NAV2: variants seen among roughly 807,000 people sequenced by gnomAD.
NAV2 encodes neuron navigator 2, also known as helicase, APC down-regulated 1.
NAV2 carries 54 observed loss-of-function variants against 223.2 expected under a neutral mutation model. The observed-to-expected ratio is 0.24, with a 90% confidence interval of 0.19 to 0.30. The LOEUF (loss-of-function observed/expected upper bound fraction) is 0.30, where lower values mean the gene tolerates loss of function less well. Among genes scored for constraint, NAV2 ranks in the 10% least tolerant of loss-of-function variants. The pLI, the probability that NAV2 is intolerant of heterozygous loss-of-function variation, is 1.00. For synonymous variants in NAV2, 1,279 were observed against 1,239.3 expected, an observed-to-expected ratio of 1.03 and a Z score of -0.67; for missense variants, 2,806 against 3,147.5, an observed-to-expected ratio of 0.89 and a Z score of 2.60.
At chr11:19,406,693 G>A (rs573042395) in intron 1 of NAV2, among the ~76,000 whole-genome samples, 25 of 151,946 alleles carry the variant, frequency 1.6e-4, no homozygotes, top group African/African-American at 2.4e-4. Flanking sequence ...AATCTCTGTC[G>A]TCACCACTGG....
intron 1 of NAV2, among the ~76,000 whole-genome samples, chr11:19,795,345 T>C (rs2057806366): frequency 6.6e-6 from 1 of 152,228 alleles, no homozygotes; most frequent in Non-Finnish European, 1.5e-5. Flanking sequence ...TCATGGCATA[T>C]TTAGAATTTT....
chr11:19,644,404 G>T (rs980733267), intron 1 of NAV2, among the ~76,000 whole-genome samples: 1 of 152,332 alleles, frequency 6.6e-6, no homozygotes, highest in East Asian at 1.9e-4. Flanking sequence ...AGAAGCCTTT[G>T]TTCCTATGGT....
chr11:19,894,084 A>G (rs759155997), intron 6 of NAV2, among the ~76,000 whole-genome samples: 4 of 152,186 alleles, frequency 2.6e-5, no homozygotes, highest in Non-Finnish European at 5.9e-5. Flanking sequence ...GTGTTTTTAC[A>G]TTGATGTGTA....
At chr11:19,815,205 C>T (rs1203765885) in intron 1 of NAV2, among the ~76,000 whole-genome samples, 2 of 152,254 alleles carry the variant, frequency 1.3e-5, no homozygotes, top group Middle Eastern at 3.4e-3. Flanking sequence ...TTACTGAGTC[C>T]TCTGAGTATT....
chr11:19,937,553 G>A (rs17540569), intron 7 of NAV2, among the ~76,000 whole-genome samples: 3,528 of 152,258 alleles, frequency 0.023, 53 homozygotes, highest in South Asian at 0.062. Context: ...AGAACCAGAG[G>A]AGATTGCTAT....
intron 4 of NAV2, among the ~76,000 whole-genome samples, chr11:19,869,473 T>C (rs2062327108): frequency 6.6e-6 from 1 of 152,222 alleles, no homozygotes; most frequent in South Asian, 2.1e-4. Context: ...AATGCTGTAT[T>C]TTTACATTGT....
intron 3 of NAV2, among the ~76,000 whole-genome samples, chr11:19,846,852 C>T (rs1473548620): frequency 6.6e-6 from 1 of 152,182 alleles, no homozygotes. Context: ...TTTCCTGGAG[C>T]AAGCCCAGCC....
chr11:19,583,813 A>C (rs994296418), intron 1 of NAV2, among the ~76,000 whole-genome samples: 4 of 152,218 alleles, frequency 2.6e-5, no homozygotes, highest in Admixed American at 1.3e-4. Context: ...ATCAATGTTC[A>C]TCAGGGATAT....
chr11:20,022,317 A>T (rs1251621862), intron 11 of NAV2, among the ~76,000 whole-genome samples: 5 of 152,204 alleles, frequency 3.3e-5, no homozygotes, highest in African/African-American at 1.2e-4. Flanking sequence ...TTCCCATCCC[A>T]GAGCTGGGAC....
intron 1 of NAV2, among the ~76,000 whole-genome samples, chr11:19,700,122 C>T (rs2049468535): frequency 6.6e-6 from 1 of 152,138 alleles, no homozygotes; most frequent in South Asian, 2.1e-4. Flanking sequence ...TTAATGTGTT[C>T]CAGGAAATAT....
intron 1 of NAV2, among the ~76,000 whole-genome samples, chr11:19,794,021 G>A (rs369459640): frequency 7.3e-4 from 111 of 152,224 alleles, no homozygotes; most frequent in African/African-American, 2.2e-3. Flanking sequence ...AAATCGCCTC[G>A]TTTAGGGGTA....
intron 1 of NAV2, among the ~76,000 whole-genome samples, chr11:19,583,749 C>T (rs2045799642): frequency 6.6e-6 from 1 of 152,080 alleles, no homozygotes; most frequent in Non-Finnish European, 1.5e-5. Flanking sequence ...TGGTGGATAA[C>T]TTTTTGATGT....
chr11:19,808,739 T>G (rs760461707), intron 1 of NAV2, among the ~76,000 whole-genome samples: 1 of 152,228 alleles, frequency 6.6e-6, no homozygotes, highest in Non-Finnish European at 1.5e-5. Context: ...AAAACCTGGC[T>G]TATGTTTCCA....
chr11:19,696,435 C>T (rs1349217600), intron 1 of NAV2, among the ~76,000 whole-genome samples: 2 of 152,256 alleles, frequency 1.3e-5, no homozygotes, highest in African/African-American at 2.4e-5. Flanking sequence ...AAGTCTCCTT[C>T]TCTTTTGTGT....
chr11:19,868,688 C>T (rs898815671), intron 3 of NAV2, among the ~76,000 whole-genome samples: 10 of 152,266 alleles, frequency 6.6e-5, no homozygotes, highest in African/African-American at 2.4e-4. Context: ...GCTCCCATTC[C>T]ACCCTGGTTA....
rs140847838 is a variant in NAV2 at position 19,592,490 on chromosome 11, G to A, written c.76-239994G>A. 5.4e-3 allele frequency among the ~76,000 whole-genome samples: 824 copies of A among 151,980 alleles called. 7 individuals carry two copies. Among genetic ancestry groups the A allele is most frequent in the Non-Finnish European group, 8.2e-3 (558 of 67,964 alleles). ...CCACTTGAATTTGAATTATATTTTT[G>A]TCATTGCCCCCACTATGTTATAAAG... On this transcript the variant is annotated intron_variant, in intron 1 of 37. Coordinates refer to the NAV2 transcript ENST00000360655.
At chr11:19,579,867 C>A (rs1232208989) in intron 1 of NAV2, among the ~76,000 whole-genome samples, 3 of 152,184 alleles carry the variant, frequency 2.0e-5, no homozygotes, top group Admixed American at 2.0e-4. Context: ...TCTGAGAAGG[C>A]CTCTGTCCTG....
intron 1 of NAV2, among the ~76,000 whole-genome samples, chr11:19,783,439 C>G (rs1178656350): frequency 1.3e-5 from 2 of 152,192 alleles, no homozygotes; most frequent in African/African-American, 4.8e-5. Context: ...CATGTTATCA[C>G]CCCATCCTTT....
intron 11 of NAV2, among the ~76,000 whole-genome samples, chr11:20,025,036 T>C (rs1348780830): frequency 1.3e-5 from 2 of 152,260 alleles, no homozygotes; most frequent in East Asian, 3.8e-4. Flanking sequence ...TCTTTACCTC[T>C]GTTCTTAACA....
Sources: gnomAD v4.1 joint callset for allele counts (sites outside exome capture counted in the v4.1 genomes callset) on GRCh38, gnomAD v4.1.1 for gene constraint, MANE v1.5 for transcripts, NCBI Gene and HGNC (gene_info 2026-07-23, HGNC 2026-07-21) for gene names.